HS3ST4: variants seen among roughly 807,000 people sequenced by gnomAD.
The protein encoded by HS3ST4 is heparan sulfate-glucosamine 3-sulfotransferase 4.
A neutral mutation model predicts 29.2 loss-of-function variants in HS3ST4; 17 were observed. That is an observed-to-expected ratio of 0.58 (90% confidence interval 0.40 to 0.87). The LOEUF (loss-of-function observed/expected upper bound fraction) is 0.87, where lower values mean the gene tolerates loss of function less well. Among genes scored for constraint, HS3ST4 ranks in the 40% least tolerant of loss-of-function variants. The pLI, the probability that HS3ST4 is intolerant of heterozygous loss-of-function variation, is 0.00. For missense variants in HS3ST4, 627 were observed against 634.5 expected (o/e 0.99, Z 0.13); for synonymous variants, 314 against 285.7 (o/e 1.10, Z -1.00).
intron 1 of HS3ST4, among the ~76,000 whole-genome samples, chr16:25,841,493 C>T (rs546827818): frequency 1.3e-5 from 2 of 152,132 alleles, no homozygotes; most frequent in Admixed American, 6.5e-5. Context: ...CCATGTTGCC[C>T]TAGCTGGTCT....
intron 1 of HS3ST4, among the ~76,000 whole-genome samples, chr16:26,040,280 G>GTCAGTATC (rs1969623787): frequency 6.7e-6 from 1 of 149,286 alleles, no homozygotes; most frequent in African/African-American, 2.5e-5. Context: ...TCCTATTGCT[G>GTCAGTATC]TCAGTATCTT....
At chr16:25,697,248 A>G (rs527473744) in intron 1 of HS3ST4, among the ~76,000 whole-genome samples, 4 of 152,346 alleles carry the variant, frequency 2.6e-5, no homozygotes, top group African/African-American at 9.6e-5. Flanking sequence ...GAGACAGCAG[A>G]CAAAGAGCCA....
chr16:26,090,145 G>C (rs1176875522), intron 1 of HS3ST4, among the ~76,000 whole-genome samples: 1 of 152,020 alleles, frequency 6.6e-6, no homozygotes, highest in Non-Finnish European at 1.5e-5. Context: ...CTATATTGTA[G>C]ATAATTTTAC....
In HS3ST4 at chr16:25,731,537, TGCTATGTTGCCCAG is replaced by T. The variant is rs60526514; in HGVS notation, c.734+38390_734+38403del. Among the ~76,000 whole-genome samples, 640 of 152,084 alleles carry T rather than the reference TGCTATGTTGCCCAG, an allele frequency of 4.2e-3. 5 individuals carry two copies. The highest frequency in any genetic ancestry group is 0.015 in the African/African-American group (609 of 41,490). ...TGTATTTTTTTAAGAGATGGAGTCTTGCTATGTTGCCCAGGCTCATCTTGAGCTCCTGGACTCAA... is the reference window on the plus strand; with the variant it reads ...TGTATTTTTTTAAGAGATGGAGTCTTGCTCATCTTGAGCTCCTGGACTCAA... On this transcript the variant is annotated intron_variant, in intron 1 of 1. Transcript: ENST00000331351.
chr16:25,736,353 T>C (rs1259378929), intron 1 of HS3ST4, among the ~76,000 whole-genome samples: 1 of 152,216 alleles, frequency 6.6e-6, no homozygotes, highest in Non-Finnish European at 1.5e-5. Flanking sequence ...ATGAAGTCAC[T>C]TATTAACATC....
intron 1 of HS3ST4, among the ~76,000 whole-genome samples, chr16:25,880,248 G>A (rs189733080): frequency 6.6e-5 from 10 of 152,226 alleles, no homozygotes; most frequent in Admixed American, 1.3e-4. Flanking sequence ...TGGATTAATG[G>A]CTGTTTCATC....
chr16:26,061,042 G>A lies in HS3ST4; in HGVS notation c.735-74570G>A, dbSNP rs537086546. On this transcript the variant is annotated intron_variant, in intron 1 of 1. Coordinates refer to ENST00000331351, the MANE Select transcript of HS3ST4 (RefSeq NM_006040.3). Reference sequence around the variant, plus strand: ...TATTACATGTTCCCATCTTCTAAAGGGCTTGTTTATTTCTTCTCTATTACT... The same window carrying A: ...TATTACATGTTCCCATCTTCTAAAGAGCTTGTTTATTTCTTCTCTATTACT... 3.3e-5 allele frequency among the ~76,000 whole-genome samples: 5 copies of A among 152,240 alleles called. No individual in the cohort carries two copies. The East Asian group carries it at 9.7e-4, about 29-fold the overall frequency.
intron 1 of HS3ST4, among the ~76,000 whole-genome samples, chr16:26,043,742 C>T (rs986075555): frequency 1.3e-5 from 2 of 152,146 alleles, no homozygotes; most frequent in African/African-American, 4.8e-5. Context: ...ACATCCACTC[C>T]GCTATGCTAG....
At chr16:25,975,704 T>C (rs1363081850) in intron 1 of HS3ST4, among the ~76,000 whole-genome samples, 1 of 152,190 alleles carries the variant, frequency 6.6e-6, no homozygotes, top group Admixed American at 6.5e-5. Flanking sequence ...ACTCTTCTCA[T>C]GGGAAGAGAA....
In HS3ST4 at chr16:25,729,862, T is replaced by A. The variant is rs544461346; in HGVS notation, c.734+36711T>A. ...GAGCTTCCAGCCTCGGGTACAGGTA[T>A]GGAGTTTGTACCCTCCGCCTTTCCA... On this transcript the variant is annotated intron_variant, in intron 1 of 1. Coordinates refer to ENST00000331351, the MANE Select transcript of HS3ST4 (RefSeq NM_006040.3). Among the ~76,000 whole-genome samples the A allele has an allele frequency of 6.8e-4, 104 of 152,310 alleles. 1 individual carries two copies. In the South Asian group the frequency reaches 0.021, roughly 30 times the overall value.
chr16:25,795,377 C>T (rs8046962), intron 1 of HS3ST4, among the ~76,000 whole-genome samples: 4,437 of 152,210 alleles, frequency 0.029, 232 homozygotes, highest in African/African-American at 0.1. Flanking sequence ...TTGTCCAACC[C>T]ACTGCTTAAC....
chr16:25,792,336 A>AT (rs1433607158), intron 1 of HS3ST4, among the ~76,000 whole-genome samples: 1 of 151,804 alleles, frequency 6.6e-6, no homozygotes, highest in African/African-American at 2.4e-5. Flanking sequence ...TATTCCTGTT[A>AT]TTTTTTTCCC....
At chr16:26,129,110 A>G (rs796746128) in intron 1 of HS3ST4, among the ~76,000 whole-genome samples, 1 of 152,154 alleles carries the variant, frequency 6.6e-6, no homozygotes, top group African/African-American at 2.4e-5. Context: ...GACATTCATG[A>G]TGGTATCCAT....
chr16:25,913,261 A>AC (rs946997144), intron 1 of HS3ST4, among the ~76,000 whole-genome samples: 2 of 152,038 alleles, frequency 1.3e-5, no homozygotes, highest in South Asian at 2.1e-4. Flanking sequence ...CTGAAACCTA[A>AC]CCCCCCCGGG....
intron 1 of HS3ST4, among the ~76,000 whole-genome samples, chr16:26,018,101 C>T (rs986630918): frequency 1.3e-5 from 2 of 152,194 alleles, no homozygotes; most frequent in Non-Finnish European, 2.9e-5. Context: ...TCTGTGCTCA[C>T]TTGTTGTTCA....
At chr16:25,999,848 A>T (rs1324712542) in intron 1 of HS3ST4, among the ~76,000 whole-genome samples, 9 of 131,400 alleles carry the variant, frequency 6.8e-5, no homozygotes, top group African/African-American at 2.4e-4. Context: ...TATATTTTAT[A>T]TATATTATAT....
Position 25,903,302 on chromosome 16 carries a change from G to GTGTGTATGTATATGTATATATTATATACA in HS3ST4, c.734+210152_734+210153insGTGTATGTATATGTATATATTATATACAT, listed in dbSNP as rs151301516. On this transcript the variant is annotated intron_variant, in intron 1 of 1. Coordinates refer to ENST00000331351, the MANE Select transcript of HS3ST4 (RefSeq NM_006040.3). ...TGTGTGTGTGTGTGTGTGTGTGTGT[G>GTGTGTATGTATATGTATATATTATATACA]TATGTATATGTATATATTATATATA... is the stretch of plus-strand genomic sequence containing the variant. 2.2e-3 allele frequency among the ~76,000 whole-genome samples: 227 copies of GTGTGTATGTATATGTATATATTATATACA among 103,494 alleles called. 1 individual carries two copies. The highest frequency in any genetic ancestry group is 9.2e-3 in the Middle Eastern group (2 of 218). The allele number at this position is 103,494 out of a possible 152,430, so 67.9% of individuals were successfully genotyped here.
At chr16:25,866,107 A>G (rs539452793) in intron 1 of HS3ST4, among the ~76,000 whole-genome samples, 1 of 152,314 alleles carries the variant, frequency 6.6e-6, no homozygotes, top group African/African-American at 2.4e-5. Context: ...TTCAAACTGT[A>G]TAAAACTCAA....
At chr16:25,849,524 G>A (rs1967497427) in intron 1 of HS3ST4, among the ~76,000 whole-genome samples, 1 of 151,946 alleles carries the variant, frequency 6.6e-6, no homozygotes, top group Admixed American at 6.6e-5. Context: ...TTTTCAGACA[G>A]GGGCTCGGTC....
Sources: gnomAD v4.1 joint callset for allele counts (sites outside exome capture counted in the v4.1 genomes callset) on GRCh38, gnomAD v4.1.1 for gene constraint, MANE v1.5 for transcripts, NCBI Gene and HGNC (gene_info 2026-07-23, HGNC 2026-07-21) for gene names.